Variants in GREB1 observed in about 807,000 individuals in gnomAD.
The protein encoded by GREB1 is growth regulating estrogen receptor binding 1.
GREB1 carries 106 observed loss-of-function variants against 200.7 expected under a neutral mutation model. The observed-to-expected ratio is 0.53, with a 90% confidence interval of 0.45 to 0.62. The LOEUF (loss-of-function observed/expected upper bound fraction) is 0.62. GREB1 is among the 20% of genes least tolerant of loss of function. GREB1 has a pLI of 0.00. For missense variants in GREB1, 2,243 were observed against 2,556.8 expected (o/e 0.88, Z 2.65); for synonymous variants, 1,132 against 1,092.4 (o/e 1.04, Z -0.72).
Position 11,556,484 on chromosome 2 carries a change from T to A in GREB1, c.-131T>A. On this transcript the variant is annotated 5_prime_UTR_variant, in exon 2 of 33. Coordinates refer to ENST00000381486, the MANE Select transcript of GREB1 (RefSeq NM_014668.4). ...GCAGCTGAGGACAGCCACCCTTTCT[T>A]CGTCTCTGCTGAGCGAAGGCTACAC... 1 of 669,304 alleles carries A rather than the reference T, an allele frequency of 1.5e-6. No individual in the cohort carries two copies. Among genetic ancestry groups the A allele is most frequent in the Non-Finnish European group, 2.5e-6 (1 of 401,802 alleles). The allele number at this position is 669,304 out of a possible 1,614,324, so 41.5% of individuals were successfully genotyped here.
chr2:11,618,914 C>T lies in GREB1; in HGVS notation c.4039C>T (p.Pro1347Ser). ...CCGCAGGCTGCTGCTCAGCGGCCCC[C>T]CTCAGGTGAGTGTTGCTCGCTGCCC... is the stretch of plus-strand genomic sequence containing the variant. ...HPRRLLLSGP[P>S]QIGKTGAYLQ... The change falls in exon 22 of 33, where the codon CCT becomes TCT. Residue 1347 changes from proline (P) to serine (S), a missense_variant. This residue lies in a region of GREB1 where 587 missense variants were observed against 553.1 expected (regional missense o/e 1.06). Transcript: ENST00000381486. The T allele has an allele frequency of 6.6e-6, 10 of 1,514,878 alleles. No individual in the cohort carries two copies. The highest frequency in any genetic ancestry group is 8.8e-6 in the Non-Finnish European group (10 of 1,135,234). The allele number at this position is 1,514,878 out of a possible 1,614,324, so 93.8% of individuals were successfully genotyped here.
intron 32 of GREB1, among the ~76,000 whole-genome samples, 178 bp downstream of exon 32, chr2:11,638,987 G>A (rs564864439): frequency 1.1e-4 from 16 of 152,266 alleles, no homozygotes; most frequent in African/African-American, 1.7e-4. Flanking sequence ...TTTGATCCCC[G>A]GGGGCTCTCT....
At chr2:11,488,256 T>C (rs1672700383) in intron 1 of GREB1, among the ~76,000 whole-genome samples, 2 of 152,236 alleles carry the variant, frequency 1.3e-5, no homozygotes, top group Non-Finnish European at 2.9e-5. Flanking sequence ...GGGGTCTCTG[T>C]TGGGTGGTCA....
intron 1 of GREB1, among the ~76,000 whole-genome samples, chr2:11,551,649 T>G (rs1675847406): frequency 6.6e-6 from 1 of 152,262 alleles, no homozygotes; most frequent in African/African-American, 2.4e-5. Context: ...GCCTTTGCAC[T>G]CTCCTGTCCC....
chr2:11,513,455 C>A (rs1430601902), intron 1 of GREB1, among the ~76,000 whole-genome samples: 2 of 152,196 alleles, frequency 1.3e-5, no homozygotes, highest in Admixed American at 6.5e-5. Flanking sequence ...AAATTAGATT[C>A]TCTTAGTCTA....
rs1392377686 is a variant in GREB1 at position 11,602,390 on chromosome 2, C to T, written c.2530-16C>T. 6.2e-7 allele frequency: 1 copy of T among 1,612,550 alleles called. No individual in the cohort carries two copies. Among genetic ancestry groups the T allele is most frequent in the African/African-American group, 1.3e-5 (1 of 74,918 alleles). On this transcript the variant is annotated splice_polypyrimidine_tract_variant and intron_variant, in intron 16 of 32. Coordinates refer to ENST00000381486, the MANE Select transcript of GREB1 (RefSeq NM_014668.4). The stretch of plus-strand genomic sequence containing the variant: ...GAATGCAGTGTTGGAGTGACCGACG[C>T]TCTTCTTTGTTTTAGGGAGTGGACT...
chr2:11,597,532 C>T lies in GREB1; in HGVS notation c.1955-249C>T, dbSNP rs1330859816. Among the ~76,000 whole-genome samples, 7 of 152,146 alleles carry T rather than the reference C, an allele frequency of 4.6e-5. No homozygotes were observed. Among genetic ancestry groups the T allele is most frequent in the Admixed American group, 2.0e-4 (3 of 15,284 alleles). ...AGAAGAGACCACTGCCTCCACTGTG[C>T]TCCCCAAGTGCTTGGTTCTTATTTT... On this transcript the variant is annotated intron_variant, in intron 13 of 32. Transcript: ENST00000381486. This position sits in a 1 kb window ranked among gnomAD's most constrained non-coding sequence, Gnocchi z 4.1.
chr2:11,634,972 G>A (rs71446424), intron 29 of GREB1, among the ~76,000 whole-genome samples: 1,883 of 152,344 alleles, frequency 0.012, 17 homozygotes, highest in Non-Finnish European at 0.019. Flanking sequence ...TGTTGGTAAC[G>A]TTTCTCACGT....
chr2:11,589,493 C>T (rs1265509006), intron 10 of GREB1, among the ~76,000 whole-genome samples: 1 of 152,104 alleles, frequency 6.6e-6, no homozygotes, highest in Non-Finnish European at 1.5e-5. Flanking sequence ...GTAGCTGTAG[C>T]AGAGAGAGGG....
intron 2 of GREB1, chr2:11,561,316 G>A (rs945500407): frequency 1.5e-4 from 23 of 150,884 alleles, no homozygotes; most frequent in African/African-American, 5.4e-4. Context: ...ATGTGTGTGT[G>A]TTTGTGTGTC....
At chr2:11,516,363 T>C (rs757289510) in intron 1 of GREB1, among the ~76,000 whole-genome samples, 15 of 151,070 alleles carry the variant, frequency 9.9e-5, no homozygotes, top group Non-Finnish European at 2.1e-4. Context: ...CAATCTGTTC[T>C]CTTCTATCTT....
intron 1 of GREB1, among the ~76,000 whole-genome samples, chr2:11,513,451 G>C (rs924243107): frequency 1.1e-4 from 17 of 152,188 alleles, no homozygotes; most frequent in African/African-American, 4.1e-4. Flanking sequence ...CCACAAATTA[G>C]ATTCTCTTAG....
At chr2:11,539,557 A>C (rs929819756) in intron 1 of GREB1, among the ~76,000 whole-genome samples, 1 of 152,074 alleles carries the variant, frequency 6.6e-6, no homozygotes, top group Non-Finnish European at 1.5e-5. Flanking sequence ...TCTTCTCCTG[A>C]CCCTTTGTTC....
At chr2:11,526,595 GC>G (rs1373917264) in intron 1 of GREB1, among the ~76,000 whole-genome samples, 2 of 148,110 alleles carry the variant, frequency 1.4e-5, no homozygotes, top group African/African-American at 5.0e-5. Flanking sequence ...TCACCCTGTT[GC>G]CCAGGCTGGA....
At chr2:11,638,962 G>T (rs1188478573) in intron 32 of GREB1, among the ~76,000 whole-genome samples, 153 bp downstream of exon 32, 1 of 152,210 alleles carries the variant, frequency 6.6e-6, no homozygotes, top group Non-Finnish European at 1.5e-5. Flanking sequence ...CCAGGGAAGT[G>T]CAAGAGAGCT....
intron 17 of GREB1, among the ~76,000 whole-genome samples, chr2:11,607,426 GTA>G (rs1406953021): frequency 0.052 from 3,185 of 61,662 alleles, 123 homozygotes; most frequent in African/African-American, 0.12. Context: ...TCCAGTATAT[GTA>G]TGTGTGTGTG....
chr2:11,571,546 T>A (rs1408419133), intron 4 of GREB1, among the ~76,000 whole-genome samples: 11 of 152,346 alleles, frequency 7.2e-5, no homozygotes, highest in African/African-American at 2.2e-4. Flanking sequence ...CTTTATATGA[T>A]GATCTTTATA....
chr2:11,618,727 G>A lies in GREB1; in HGVS notation c.3852G>A (p.Leu1284=). 6.2e-6 allele frequency: 10 copies of A among 1,613,496 alleles called. No homozygotes were observed. Among genetic ancestry groups the A allele is most frequent in the Non-Finnish European group, 8.5e-6 (10 of 1,179,806 alleles). ...SSGLPKAASL[L]PSPSVMWASS... is the part of the protein sequence containing the mutation. ...GCCTGCCCAAGGCCGCCTCCCTCCT[G>A]CCCTCCCCCTCGGTCATGTGGGCCA... Residue 1284 remains leucine (L), a synonymous_variant, in exon 22 of 33, where the codon CTG becomes CTA. Coordinates refer to ENST00000381486, the MANE Select transcript of GREB1 (RefSeq NM_014668.4).
chr2:11,529,451 A>G (rs1306742410), upstream of GREB1, among the ~76,000 whole-genome samples: 1 of 152,206 alleles, frequency 6.6e-6, no homozygotes, highest in Non-Finnish European at 1.5e-5. Context: ...TCTGACGGTG[A>G]CAAGCATGGA....
Sources: gnomAD v4.1 joint callset for allele counts (sites outside exome capture counted in the v4.1 genomes callset) on GRCh38, gnomAD v4.1.1 for gene constraint, gnomAD v4.1.1 regional missense constraint, Gnocchi (gnomAD v3.1) non-coding constraint, MANE v1.5 for transcripts, NCBI Gene and HGNC (gene_info 2026-07-23, HGNC 2026-07-21) for gene names.